Variants in AXIN1 observed in about 807,000 individuals in gnomAD.
AXIN1 encodes axin 1.
AXIN1 carries 30 observed loss-of-function variants against 76.4 expected under a neutral mutation model. The ratio of observed to expected loss-of-function variants is 0.39; its 90% confidence interval spans 0.29 to 0.53. The LOEUF is 0.53. Ranked by LOEUF, AXIN1 falls within the 20% of genes least tolerant of loss-of-function variation. The pLI is 0.66. For synonymous variants in AXIN1, 545 were observed against 501.4 expected (o/e 1.09, Z -1.16); for missense variants, 1,140 against 1,198.8 (o/e 0.95, Z 0.72).
intron 2 of AXIN1, among the ~76,000 whole-genome samples, chr16:336,743 G>C (rs1260790059): frequency 6.6e-6 from 1 of 150,834 alleles, no homozygotes; most frequent in Non-Finnish European, 1.5e-5. Flanking sequence ...TTTGAACCCA[G>C]GAGGCGGAGG....
chr16:304,214 G>A (rs2141543792), intron 5 of AXIN1, 90 bp downstream of exon 5: 2 of 1,592,338 alleles, frequency 1.3e-6, no homozygotes, highest in East Asian at 2.2e-5. Flanking sequence ...GCCAGCCCCG[G>A]GCATCCCCAT....
chr16:288,950 C>T (rs45497497), intron 10 of AXIN1, among the ~76,000 whole-genome samples: 1,772 of 152,320 alleles, frequency 0.012, 44 homozygotes, highest in African/African-American at 0.04. Context: ...GGGCCCTGGA[C>T]GGGGGTCCCT....
At chr16:289,290 T>C in intron 10 of AXIN1, 150 bp downstream of exon 10, 2 of 971,652 alleles carry the variant, frequency 2.1e-6, no homozygotes, top group South Asian at 2.9e-5. Flanking sequence ...GGTCTCGAAC[T>C]GCTGAGCTGA....
intron 2 of AXIN1, among the ~76,000 whole-genome samples, chr16:328,706 A>T (rs1273411991): frequency 6.6e-6 from 1 of 152,150 alleles, no homozygotes; most frequent in Admixed American, 6.6e-5. Flanking sequence ...CAAAAAAAAT[A>T]ATAATAAATT....
chr16:300,114 G>T (rs1198415874), intron 5 of AXIN1, among the ~76,000 whole-genome samples: 1 of 151,622 alleles, frequency 6.6e-6, no homozygotes, highest in Non-Finnish European at 1.5e-5. Context: ...TAAATTTTTT[G>T]TATTTTTAGT....
chr16:303,670 A>AC lies in AXIN1; in HGVS notation c.1254+633dup, dbSNP rs555564610. The stretch of plus-strand genomic sequence containing the variant: ...ATTGCTGGGATTACAGGTGTGAGCC[A>AC]CTCGCCCGCCCGTTTCCCTTTTTAC... On this transcript the variant is annotated intron_variant, in intron 5 of 10. Transcript: ENST00000262320. 1.9e-3 allele frequency among the ~76,000 whole-genome samples: 292 copies of AC among 151,844 alleles called. 2 individuals carry two copies. Among genetic ancestry groups the AC allele is most frequent in the African/African-American group, 6.5e-3 (269 of 41,398 alleles).
At chr16:301,434 A>G (rs2052869861) in intron 5 of AXIN1, among the ~76,000 whole-genome samples, 1 of 152,176 alleles carries the variant, frequency 6.6e-6, no homozygotes, top group East Asian at 1.9e-4. Flanking sequence ...GGGGTGGGGA[A>G]GCCTTGAGAG....
chr16:325,792 C>A (rs910530775), intron 2 of AXIN1, among the ~76,000 whole-genome samples: 1 of 152,182 alleles, frequency 6.6e-6, no homozygotes, highest in East Asian at 1.9e-4. Flanking sequence ...CATGACGGGG[C>A]CTTCGGAAAC....
intron 4 of AXIN1, 90 bp from the exon 5 acceptor site, chr16:304,531 T>C (rs2052965974): frequency 1.3e-6 from 2 of 1,571,156 alleles, no homozygotes; most frequent in Admixed American, 3.5e-5. Context: ...GCTATCTCTG[T>C]TGTATTTTAT....
At chr16:344,256 C>T (rs1018511739) in intron 2 of AXIN1, among the ~76,000 whole-genome samples, 2 of 151,618 alleles carry the variant, frequency 1.3e-5, no homozygotes, top group East Asian at 4.0e-4. Context: ...ATGGTGAAAC[C>T]CAGTCTCTAC....
At position 288,190 on chromosome 16, in the gene AXIN1, G is replaced by T. The variant is rs370661416; in HGVS notation, c.2521C>A (p.Arg841=). 4.3e-6 allele frequency: 7 copies of T among 1,613,568 alleles called. No individual in the cohort carries two copies. In the African/African-American group the frequency reaches 6.7e-5, roughly 15 times the overall value. ...FDCGVVFEEV[R]EDEAVLPVFE... ...ACGGGCAGGACGGCCTCGTCCTCTC[G>T]AACCTCCTCAAACACCACCCCACAG... The change falls in exon 11 of 11, where the codon CGA becomes AGA. Residue 841 remains arginine (R), a synonymous_variant. Transcript: ENST00000262320.
In AXIN1 at chr16:297,746, T is replaced by G. The variant is rs746551099; in HGVS notation, c.1760A>C (p.Asn587Thr). The G allele has an allele frequency of 6.3e-7, 1 of 1,598,682 alleles. No homozygotes were observed. The highest frequency in any genetic ancestry group is 1.7e-5 in the Admixed American group (1 of 59,258). Residue 587 changes from asparagine (N) to threonine (T), a missense_variant, in exon 6 of 11, where the codon AAC becomes ACC. Physicochemically the swap from Asn to Thr is moderately conservative, Grantham distance 65. This residue lies in a region of AXIN1 where 429 missense variants were observed against 405.8 expected (regional missense o/e 1.06). Coordinates refer to ENST00000262320, the MANE Select transcript of AXIN1 (RefSeq NM_003502.4). Reference sequence around the variant, plus strand: ...CCTGTGGGCGAGGCCATCACTGGCGTTGGGGGCAGCGCCAACACTCTCTGA... The same window carrying G: ...CCTGTGGGCGAGGCCATCACTGGCGGTGGGGGCAGCGCCAACACTCTCTGA... ...GYSESVGAAP[N>T]ASDGLAHSGK...
chr16:310,640 G>A (rs879533340), intron 3 of AXIN1, among the ~76,000 whole-genome samples: 5 of 152,206 alleles, frequency 3.3e-5, no homozygotes, highest in African/African-American at 7.2e-5. Flanking sequence ...CTCGTGATCC[G>A]CCCGCCTCGG....
chr16:342,742 A>C (rs2053955198), intron 2 of AXIN1, among the ~76,000 whole-genome samples: 1 of 152,234 alleles, frequency 6.6e-6, no homozygotes, highest in South Asian at 2.1e-4. Flanking sequence ...TCTGTAAACA[A>C]GGGAGCCCAG....
chr16:310,791 C>A (rs977149834), intron 3 of AXIN1, among the ~76,000 whole-genome samples: 1 of 152,256 alleles, frequency 6.6e-6, no homozygotes, highest in Non-Finnish European at 1.5e-5. Context: ...GCCAGCCCTG[C>A]ACGGGAAACG....
Position 289,439 on chromosome 16 carries a change from C to T in AXIN1, c.2462+1G>A, listed in dbSNP as rs773799650. The stretch of plus-strand genomic sequence containing the variant: ...GGGGGCACCCCAGCCCTCACACTCA[C>T]CTGTAGCTGCCCTTTTTGGTCAGCA... On this transcript the variant is annotated splice_donor_variant, in intron 10 of 10. Transcript: ENST00000262320. LOFTEE classifies it high-confidence loss of function. 6.2e-7 allele frequency: 1 copy of T among 1,612,878 alleles called. No homozygotes were observed.
intron 2 of AXIN1, among the ~76,000 whole-genome samples, chr16:329,998 C>A (rs1567295581): frequency 6.6e-6 from 1 of 151,756 alleles, no homozygotes; most frequent in Admixed American, 6.6e-5. Context: ...AAACTCCTGA[C>A]CTCGTGATCC....
chr16:341,303 G>C (rs1285498049), intron 2 of AXIN1, among the ~76,000 whole-genome samples: 1 of 152,268 alleles, frequency 6.6e-6, no homozygotes, highest in African/African-American at 2.4e-5. Flanking sequence ...GCATGCGCTT[G>C]CAGGCCAGCT....
intron 2 of AXIN1, among the ~76,000 whole-genome samples, chr16:331,810 T>C (rs1323433519): frequency 1.2e-4 from 18 of 152,198 alleles, no homozygotes; most frequent in Admixed American, 1.2e-3. Flanking sequence ...TGACACTGCA[T>C]GAGGGGCCCT....
Sources: gnomAD v4.1 joint callset for allele counts (sites outside exome capture counted in the v4.1 genomes callset) on GRCh38, gnomAD v4.1.1 for gene constraint, gnomAD v4.1.1 regional missense constraint, MANE v1.5 for transcripts, NCBI Gene and HGNC (gene_info 2026-07-23, HGNC 2026-07-21) for gene names.